SRFBP1: variants seen among roughly 807,000 people sequenced by gnomAD.
SRFBP1 encodes the protein serum response factor binding protein 1, also known as serum response factor-binding protein 1.
In SRFBP1, 47 loss-of-function variants were observed where a neutral mutation model predicts 45.5. That is an observed-to-expected ratio of 1.03 (90% CI 0.82 to 1.32). The LOEUF (loss-of-function observed/expected upper bound fraction) is 1.32. SRFBP1 is among the 40% of genes most tolerant of loss of function. The pLI, the probability that SRFBP1 is intolerant of heterozygous loss-of-function variation, is 0.00. For missense variants in SRFBP1, 621 were observed against 484.6 expected, an observed-to-expected ratio of 1.28 and a Z score of -2.64; for synonymous variants, 203 against 166.3, an observed-to-expected ratio of 1.22 and a Z score of -1.70.
chr5:122,051,965 T>G (rs1037081472), intron 2 of SRFBP1, among the ~76,000 whole-genome samples: 1 of 152,178 alleles, frequency 6.6e-6, no homozygotes, highest in Non-Finnish European at 1.5e-5. Flanking sequence ...TCCCTCAGCA[T>G]TTGGTTGTCT....
intron 2 of SRFBP1, among the ~76,000 whole-genome samples, chr5:122,040,190 G>A (rs1263550486): frequency 6.6e-6 from 1 of 151,976 alleles, no homozygotes; most frequent in Non-Finnish European, 1.5e-5. Flanking sequence ...GGAAGTATTT[G>A]TATTTCAAAC....
chr5:122,005,858 C>A (rs865899738), intron 4 of SRFBP1, among the ~76,000 whole-genome samples: 5 of 152,020 alleles, frequency 3.3e-5, no homozygotes, highest in East Asian at 1.9e-4. Flanking sequence ...CGTGTATATT[C>A]TTTAACAAAC....
At chr5:121,995,751 T>C (rs1480030037) in intron 4 of SRFBP1, among the ~76,000 whole-genome samples, 3 of 151,190 alleles carry the variant, frequency 2.0e-5, no homozygotes, top group East Asian at 3.9e-4. Context: ...ATCAACAAAA[T>C]TGATAGACCG....
At chr5:122,072,589 T>C (rs1432642982) in intron 2 of SRFBP1, among the ~76,000 whole-genome samples, 1 of 152,208 alleles carries the variant, frequency 6.6e-6, no homozygotes, top group Non-Finnish European at 1.5e-5. Context: ...TACAATAAAC[T>C]AATCTGAGTC....
At chr5:121,979,010 A>G (rs1010938669) in intron 3 of SRFBP1, among the ~76,000 whole-genome samples, 4 of 152,146 alleles carry the variant, frequency 2.6e-5, no homozygotes, top group African/African-American at 9.7e-5. Flanking sequence ...TGAGCTTACA[A>G]TCAGCAGTTA....
intron 4 of SRFBP1, among the ~76,000 whole-genome samples, chr5:122,009,413 T>C (rs1753044242): frequency 6.6e-6 from 1 of 152,204 alleles, no homozygotes; most frequent in Non-Finnish European, 1.5e-5. Flanking sequence ...TATTTTCTCT[T>C]TCTTTTCCCC....
chr5:122,020,625 A>G lies in SRFBP1; in HGVS notation c.890A>G (p.Glu297Gly), dbSNP rs754974125. ...AAAGTCAGACGGACACGAAAGAAGG[A>G]AAGTAGTTGTCATTCTTCAGTTAAG... ...IGKVRRTRKK[E>G]SSCHSSVKEQ... The change falls in exon 6 of 8, where the codon GAA (glutamate) becomes GGA (glycine). Residue 297 changes from glutamate (E) to glycine (G), a missense_variant. Coordinates refer to ENST00000339397, the MANE Select transcript of SRFBP1 (RefSeq NM_152546.3). The G allele has an allele frequency of 2.5e-6, 4 of 1,613,808 alleles. No homozygotes were observed. In the East Asian group the frequency reaches 8.9e-5, roughly 36 times the overall value.
At chr5:122,063,550 T>TTTAA (rs1331604652) in intron 2 of SRFBP1, 6 of 151,922 alleles carry the variant, frequency 3.9e-5, no homozygotes, top group African/African-American at 1.2e-4. Context: ...ATGTTTAGTG[T>TTTAA]TTAAAAGTGG....
At position 121,963,918 on chromosome 5, in the gene SRFBP1, A is replaced by G. The variant is rs542225513; in HGVS notation, c.36+1850A>G. ...CTACATAAAAATTGAATAACCTACCAAAGAAAAGAAATGACAACCAACTAG... is the reference window on the plus strand; with the variant it reads ...CTACATAAAAATTGAATAACCTACCGAAGAAAAGAAATGACAACCAACTAG... On this transcript the variant is annotated intron_variant, in intron 1 of 7. Coordinates refer to ENST00000339397, the MANE Select transcript of SRFBP1 (RefSeq NM_152546.3). Among the ~76,000 whole-genome samples the G allele has an allele frequency of 8.5e-5, 13 of 152,298 alleles. No homozygotes were observed. The South Asian group carries it at 1.9e-3, about 22-fold the overall frequency.
At position 121,994,245 on chromosome 5, in the gene SRFBP1, G is replaced by T. The variant is rs576018567; in HGVS notation, c.199-354G>T. Among the ~76,000 whole-genome samples the T allele has an allele frequency of 5.7e-4, 86 of 151,884 alleles. 1 individual carries two copies. The highest frequency in any genetic ancestry group is 1.4e-3 in the African/African-American group (60 of 41,446). On this transcript the variant is annotated intron_variant, in intron 3 of 7. Coordinates refer to ENST00000339397, the MANE Select transcript of SRFBP1 (RefSeq NM_152546.3). ...ATTTTGTTTTCTTTGCCTCAGCTTTGTCTGAAACACAGTCTCAGCACCTGC... is the reference window on the plus strand; with the variant it reads ...ATTTTGTTTTCTTTGCCTCAGCTTTTTCTGAAACACAGTCTCAGCACCTGC...
At chr5:121,966,806 G>C (rs912561196) in intron 1 of SRFBP1, among the ~76,000 whole-genome samples, 1 of 150,172 alleles carries the variant, frequency 6.7e-6, no homozygotes, top group African/African-American at 2.4e-5. Context: ...TTGAGACGGA[G>C]TCTCGCTCTG....
chr5:122,020,678 C>T lies in SRFBP1; in HGVS notation c.943C>T (p.Leu315Phe), dbSNP rs200088914. The change falls in exon 6 of 8, where the codon CTT (leucine) becomes TTT (phenylalanine). Residue 315 changes from leucine (L) to phenylalanine (F), a missense_variant. Transcript: ENST00000339397. Reference sequence around the variant, plus strand: ...ACAAAAACCACTAGAAAAAGTGTTTCTTAAAGAAGATACAGGTGAAACTCA... The same window carrying T: ...ACAAAAACCACTAGAAAAAGTGTTTTTTAAAGAAGATACAGGTGAAACTCA... ...KEQKPLEKVF[L>F]KEDTGETHGD... The T allele has an allele frequency of 1.9e-6, 3 of 1,613,938 alleles. No homozygotes were observed. In the East Asian group the frequency reaches 6.7e-5, roughly 36 times the overall value.
At chr5:122,036,218 T>G (rs1306959335) in intron 2 of SRFBP1, among the ~76,000 whole-genome samples, 1 of 152,134 alleles carries the variant, frequency 6.6e-6, no homozygotes, top group Non-Finnish European at 1.5e-5. Context: ...TGATACCACT[T>G]TGATCAGCTA....
intron 2 of SRFBP1, among the ~76,000 whole-genome samples, chr5:122,041,807 G>A (rs1293791078): frequency 6.6e-6 from 1 of 151,792 alleles, no homozygotes; most frequent in Non-Finnish European, 1.5e-5. Context: ...TCTTTATCTT[G>A]CCTAATTAGA....
rs912072262 is a variant in SRFBP1 at position 122,021,668 on chromosome 5, C to CTTT, written c.1068-678_1068-676dup. On this transcript the variant is annotated intron_variant, in intron 6 of 7. Coordinates refer to ENST00000339397, the MANE Select transcript of SRFBP1 (RefSeq NM_152546.3). ...TATCCCTTTACCACAAAATATAAAT[C>CTTT]TTTTTTTTTTTTTTTTTTTTTTTTT... Among the ~76,000 whole-genome samples the CTTT allele has an allele frequency of 5.5e-4, 53 of 96,960 alleles. 1 individual carries two copies. Among genetic ancestry groups the CTTT allele is most frequent in the African/African-American group, 7.9e-4 (17 of 21,558 alleles). The allele number at this position is 96,960 out of a possible 152,430, so 63.6% of individuals were successfully genotyped here. A position where few individuals can be genotyped will look rare whatever the true frequency, so the allele number is the denominator to read the frequency against.
chr5:122,056,631 C>A (rs985544362), intron 2 of SRFBP1, among the ~76,000 whole-genome samples: 1 of 152,106 alleles, frequency 6.6e-6, no homozygotes, highest in Non-Finnish European at 1.5e-5. Context: ...TGGGATATGT[C>A]TTCCCAGAAG....
At chr5:122,031,836 G>T (rs573068407), downstream of SRFBP1, among the ~76,000 whole-genome samples, 48 of 152,238 alleles carry the variant, frequency 3.2e-4, 1 homozygote, top group African/African-American at 1.1e-3. Flanking sequence ...AGACTACAAC[G>T]TGAATGGATG....
intron 2 of SRFBP1, among the ~76,000 whole-genome samples, chr5:121,975,098 A>G (rs1421073876): frequency 6.6e-6 from 1 of 151,984 alleles, no homozygotes; most frequent in Non-Finnish European, 1.5e-5. Flanking sequence ...CAATGGCAAG[A>G]CAGTACTTAT....
At chr5:121,989,326 A>G (rs1437710278) in intron 3 of SRFBP1, among the ~76,000 whole-genome samples, 1 of 152,106 alleles carries the variant, frequency 6.6e-6, no homozygotes, top group African/African-American at 2.4e-5. Context: ...TCAGCCTCCC[A>G]AAGTGCTGGG....
Sources: gnomAD v4.1 joint callset for allele counts (sites outside exome capture counted in the v4.1 genomes callset) on GRCh38, gnomAD v4.1.1 for gene constraint, MANE v1.5 for transcripts, NCBI Gene and HGNC (gene_info 2026-07-23, HGNC 2026-07-21) for gene names.